CYP4X1: variants seen among roughly 807,000 people sequenced by gnomAD.
CYP4X1 encodes cytochrome P450 family 4 subfamily X member 1.
Under a neutral mutation model 57.9 loss-of-function variants are expected in CYP4X1, and 44 were observed. That is an observed-to-expected ratio of 0.76 (90% CI 0.60 to 0.98). The LOEUF is 0.98. CYP4X1 is among the 50% of genes least tolerant of loss of function. The probability of loss-of-function intolerance (pLI) is 0.00; values close to 1 mark genes in which losing one functional copy is unlikely to be tolerated. For synonymous variants in CYP4X1, 227 were observed against 228.6 expected (o/e 0.99, Z 0.06); for missense variants, 532 against 623.9 (o/e 0.85, Z 1.57).
At chr1:47,024,037 A>G (rs371579159) in intron 1 of CYP4X1, 43 bp downstream of exon 1, 1 of 1,577,852 alleles carries the variant, frequency 6.3e-7, no homozygotes, top group East Asian at 2.3e-5. Flanking sequence ...GGAGGGGCGG[A>G]GGAGGATGCG....
the CYP4X1 span, among the ~76,000 whole-genome samples, chr1:46,994,163 C>T: frequency 6.6e-6 from 1 of 152,110 alleles, no homozygotes; most frequent in Non-Finnish European, 1.5e-5. Context: ...AGCCAGTTTT[C>T]CCAGCACCAT....
At chr1:46,961,859 C>G in the CYP4X1 span, 1 of 1,052,114 alleles carries the variant, frequency 9.5e-7, no homozygotes, top group Non-Finnish European at 1.3e-6. Flanking sequence ...AAACAGACAA[C>G]CTGGCCTCTT....
the CYP4X1 span, among the ~76,000 whole-genome samples, chr1:46,982,845 C>T: frequency 3.9e-5 from 6 of 152,356 alleles, no homozygotes; most frequent in Non-Finnish European, 7.3e-5. Context: ...CTGCACACTA[C>T]AATCCTGGAG....
intron 6 of CYP4X1, among the ~76,000 whole-genome samples, 196 bp downstream of exon 6, chr1:47,036,367 T>TA (rs1491524599): frequency 2.2e-5 from 3 of 139,452 alleles, no homozygotes; most frequent in Non-Finnish European, 3.0e-5. Context: ...ATTATCAGAA[T>TA]TTTTATATAT....
At chr1:47,008,040 A>G in the CYP4X1 span, among the ~76,000 whole-genome samples, 1 of 152,230 alleles carries the variant, frequency 6.6e-6, no homozygotes, top group African/African-American at 2.4e-5. Flanking sequence ...CTAGCAAGGC[A>G]GGCCAACATT....
At chr1:46,967,520 G>A in the CYP4X1 span, among the ~76,000 whole-genome samples, 1 of 152,082 alleles carries the variant, frequency 6.6e-6, no homozygotes, top group Non-Finnish European at 1.5e-5. Context: ...CCTAGGGAAA[G>A]GTGAGAGAAA....
the CYP4X1 span, among the ~76,000 whole-genome samples, chr1:46,964,718 C>T: frequency 6.6e-6 from 1 of 152,220 alleles, no homozygotes; most frequent in African/African-American, 2.4e-5. Flanking sequence ...TCTGTCTGTT[C>T]TCAGATCTCC....
intron 4 of CYP4X1, among the ~76,000 whole-genome samples, chr1:47,034,608 C>T (rs755339393): frequency 3.3e-5 from 5 of 152,106 alleles, no homozygotes; most frequent in Non-Finnish European, 5.9e-5. Context: ...GCAGTTTGAA[C>T]CCGAAGTCAG....
Position 47,039,488 on chromosome 1 carries a change from G to A in CYP4X1, c.1029G>A (p.Arg343=), listed in dbSNP as rs200417030. 1.8e-5 allele frequency: 29 copies of A among 1,612,936 alleles called. No individual in the cohort carries two copies. Among genetic ancestry groups the A allele is most frequent in the Non-Finnish European group, 2.1e-5 (25 of 1,179,494 alleles). The part of the protein sequence containing the change: ...ALNPEHQERC[R]EEVRGILGDG... ...ACCCTGAGCATCAAGAGAGATGCCG[G>A]GAGGAGGTCAGGGGCATCCTGGGGG... The change falls in exon 8 of 12, where the codon CGG becomes CGA. Residue 343 remains arginine (R), a synonymous_variant. Coordinates refer to ENST00000371901, the MANE Select transcript of CYP4X1 (RefSeq NM_178033.2).
the CYP4X1 span, among the ~76,000 whole-genome samples, chr1:47,007,807 C>A: frequency 2.0e-5 from 3 of 152,100 alleles, no homozygotes; most frequent in African/African-American, 7.2e-5. Context: ...CCAATTCGAT[C>A]AACTGGAAGA....
chr1:46,973,552 T>C, the CYP4X1 span, among the ~76,000 whole-genome samples: 160 of 152,294 alleles, frequency 1.1e-3, no homozygotes, highest in Middle Eastern at 3.4e-3. Flanking sequence ...TGAATATGTC[T>C]GGTCTAGAGC....
chr1:46,969,186 C>T, the CYP4X1 span, among the ~76,000 whole-genome samples: 2 of 152,314 alleles, frequency 1.3e-5, no homozygotes, highest in African/African-American at 4.8e-5. Flanking sequence ...GACTTCCCTG[C>T]ACCCGCTCTC....
At chr1:46,964,876 G>T in the CYP4X1 span, among the ~76,000 whole-genome samples, 17 of 152,254 alleles carry the variant, frequency 1.1e-4, no homozygotes, top group African/African-American at 4.1e-4. Context: ...TTGAGCTGCA[G>T]TGGGCTTCAC....
chr1:47,023,487 A>G, upstream of CYP4X1: 1 of 1,033,864 alleles, frequency 9.7e-7, no homozygotes. Context: ...CAATGACCTC[A>G]GCTTTAGCAT....
chr1:47,012,545 C>A, the CYP4X1 span, among the ~76,000 whole-genome samples: 1 of 151,154 alleles, frequency 6.6e-6, no homozygotes, highest in Non-Finnish European at 1.5e-5. Flanking sequence ...TACACTAGAA[C>A]TTAAAGTATA....
At chr1:47,013,371 CT>C in the CYP4X1 span, among the ~76,000 whole-genome samples, 1 of 152,172 alleles carries the variant, frequency 6.6e-6, no homozygotes. Flanking sequence ...CAGGCTTCAA[CT>C]TGCTCATTTG....
the CYP4X1 span, among the ~76,000 whole-genome samples, chr1:46,979,144 A>G: frequency 6.6e-6 from 1 of 152,206 alleles, no homozygotes. Flanking sequence ...ACTGAAGGAG[A>G]TAGAGACACA....
the CYP4X1 span, among the ~76,000 whole-genome samples, chr1:46,972,630 C>A: frequency 1.3e-5 from 2 of 152,066 alleles, no homozygotes; most frequent in Admixed American, 6.6e-5. Flanking sequence ...TTTTATAATT[C>A]TTCTTGTACA....
intron 8 of CYP4X1, among the ~76,000 whole-genome samples, chr1:47,040,424 G>A (rs986409912): frequency 6.6e-6 from 1 of 152,106 alleles, no homozygotes; most frequent in African/African-American, 2.4e-5. Context: ...AGACAGAAAT[G>A]CTAAGGACAA....
Sources: allele counts gnomAD v4.1 joint callset (sites outside exome capture counted in the v4.1 genomes callset), GRCh38; gene constraint gnomAD v4.1.1; transcripts MANE v1.5; gene names NCBI Gene and HGNC (gene_info 2026-07-23, HGNC 2026-07-21).